ARHGEF7: variants seen among roughly 807,000 people sequenced by gnomAD.
ARHGEF7 encodes the protein PAK-interacting exchange factor beta.
ARHGEF7 carries 33 observed loss-of-function variants against 109.8 expected under a neutral mutation model. The observed-to-expected ratio is 0.30, with a 90% CI of 0.23 to 0.40. The LOEUF is 0.40. Among genes scored for constraint, ARHGEF7 ranks in the 10% least tolerant of loss-of-function variants. ARHGEF7 has a pLI of 1.00. For synonymous variants in ARHGEF7, 458 were observed against 424.6 expected (o/e 1.08, Z -0.97); for missense variants, 938 against 1,098.5 (o/e 0.85, Z 2.07).
rs896854388 is a variant in ARHGEF7, at chr13:111,282,559, T to A, written c.1726-580T>A. Reference sequence around the variant, plus strand: ...GTAAAGATCCAGATGGTAAACGTTCTCTGCTTTACAGGTTCAGGCCTCTTG... The same window carrying A: ...GTAAAGATCCAGATGGTAAACGTTCACTGCTTTACAGGTTCAGGCCTCTTG... On this transcript the variant is annotated intron_variant, in intron 15 of 21. Coordinates refer to ENST00000646102, the MANE Select transcript of ARHGEF7 (RefSeq NM_001354046.2). Among the ~76,000 whole-genome samples, 34 of 152,250 alleles carry A rather than the reference T, an allele frequency of 2.2e-4. 2 individuals are homozygous for A. Among genetic ancestry groups the A allele is most frequent in the Admixed American group, 1.9e-3 (29 of 15,290 alleles).
At chr13:111,224,485 A>G (rs1017103230) in intron 5 of ARHGEF7, among the ~76,000 whole-genome samples, 4 of 152,016 alleles carry the variant, frequency 2.6e-5, no homozygotes, top group Non-Finnish European at 5.9e-5. Flanking sequence ...TCATTCTCCT[A>G]TTTCTGGACA....
intron 2 of ARHGEF7, among the ~76,000 whole-genome samples, chr13:111,155,007 T>G (rs572729282): frequency 6.6e-6 from 1 of 151,198 alleles, no homozygotes; most frequent in African/African-American, 2.4e-5. Flanking sequence ...GGAAACCAAT[T>G]AAAAAAAAAC....
chr13:111,119,057 G>T (rs1473516920), intron 1 of ARHGEF7, among the ~76,000 whole-genome samples: 1 of 152,170 alleles, frequency 6.6e-6, no homozygotes, highest in Non-Finnish European at 1.5e-5. Context: ...CCCTCAGAAG[G>T]CTCCAAGGAG....
intron 1 of ARHGEF7, among the ~76,000 whole-genome samples, chr13:111,140,783 C>T (rs2075309562): frequency 6.6e-6 from 1 of 152,006 alleles, no homozygotes. Flanking sequence ...GCCTTGAACT[C>T]CTGGGCTCCA....
chr13:111,225,604 CA>C (rs1814563446), intron 5 of ARHGEF7, among the ~76,000 whole-genome samples: 1 of 151,574 alleles, frequency 6.6e-6, no homozygotes, highest in Admixed American at 6.6e-5. Context: ...CCCAGTGCTT[CA>C]TTTGGGTAAT....
intron 2 of ARHGEF7, among the ~76,000 whole-genome samples, chr13:111,196,408 A>G (rs2080506828): frequency 6.6e-6 from 1 of 152,220 alleles, no homozygotes; most frequent in Non-Finnish European, 1.5e-5. Context: ...CATTCTTTTC[A>G]TTAAAGACTA....
intron 8 of ARHGEF7, among the ~76,000 whole-genome samples, chr13:111,248,417 A>G (rs2089253873): frequency 6.6e-6 from 1 of 151,904 alleles, no homozygotes; most frequent in Non-Finnish European, 1.5e-5. Flanking sequence ...TATGTCTTTT[A>G]CCAAATGTGG....
At chr13:111,253,660 CAG>C (rs980431881) in intron 8 of ARHGEF7, among the ~76,000 whole-genome samples, 1 of 152,190 alleles carries the variant, frequency 6.6e-6, no homozygotes, top group African/African-American at 2.4e-5. Flanking sequence ...CACTGTACCC[CAG>C]AGTCTCCACC....
intron 19 of ARHGEF7, chr13:111,293,699 T>C: frequency 1.1e-5 from 11 of 985,434 alleles, no homozygotes; most frequent in Non-Finnish European, 1.3e-5. Context: ...CAAGATGCCA[T>C]AGTAAATTGA....
intron 8 of ARHGEF7, among the ~76,000 whole-genome samples, chr13:111,249,781 T>G (rs2089478052): frequency 6.6e-6 from 1 of 152,160 alleles, no homozygotes; most frequent in Admixed American, 6.5e-5. Context: ...GAAGGCCATC[T>G]GGGGAGCTAT....
intron 2 of ARHGEF7, among the ~76,000 whole-genome samples, chr13:111,190,416 G>T (rs2079745587): frequency 6.6e-6 from 1 of 152,166 alleles, no homozygotes; most frequent in Admixed American, 6.5e-5. Flanking sequence ...CCCTAAGAAG[G>T]TGCAGAGTCC....
intron 2 of ARHGEF7, among the ~76,000 whole-genome samples, chr13:111,200,673 A>G (rs2081116442): frequency 6.6e-6 from 1 of 152,182 alleles, no homozygotes; most frequent in African/African-American, 2.4e-5. Flanking sequence ...CAAAACTGTA[A>G]TGTCTGTCAT....
intron 1 of ARHGEF7, among the ~76,000 whole-genome samples, chr13:111,146,290 A>G (rs2075591389): frequency 6.6e-6 from 1 of 152,220 alleles, no homozygotes; most frequent in African/African-American, 2.4e-5. Context: ...GATACCATCA[A>G]TGTCTACAGG....
At chr13:111,256,187 C>T (rs572235158) in intron 8 of ARHGEF7, among the ~76,000 whole-genome samples, 12 of 152,166 alleles carry the variant, frequency 7.9e-5, no homozygotes, top group Non-Finnish European at 1.6e-4. Flanking sequence ...GCGGTAGCTA[C>T]GGCATAAACC....
chr13:111,139,631 C>T (rs1053966662), intron 1 of ARHGEF7, among the ~76,000 whole-genome samples: 3 of 152,038 alleles, frequency 2.0e-5, no homozygotes, highest in Non-Finnish European at 2.9e-5. Context: ...GGAGCACTGG[C>T]GGCAGACAGG....
chr13:111,263,884 C>T (rs7317902), intron 8 of ARHGEF7, among the ~76,000 whole-genome samples: 136,615 of 152,256 alleles, frequency 0.9, 61,340 homozygotes, highest in South Asian at 0.93. Context: ...CAGTTTACTT[C>T]TGTACAAAAT....
At position 111,131,951 on chromosome 13, in the gene ARHGEF7, G is replaced by A. The variant is rs1254898601; in HGVS notation, c.165+16260G>A. ...GAGTTGTGGAGTATGAGAGAGGGGT[G>A]GACTCAGTGAGGGGGTGGACCGTGA... On this transcript the variant is annotated intron_variant, in intron 1 of 21. Coordinates refer to ENST00000646102, the MANE Select transcript of ARHGEF7 (RefSeq NM_001354046.2). This position sits in a 1 kb window ranked among gnomAD's most constrained non-coding sequence, Gnocchi z 4.4. Among the ~76,000 whole-genome samples the A allele has an allele frequency of 1.3e-5, 2 of 152,096 alleles. No individual in the cohort carries two copies. The highest frequency in any genetic ancestry group is 6.6e-5 in the Admixed American group (1 of 15,264).
intron 2 of ARHGEF7, among the ~76,000 whole-genome samples, chr13:111,176,905 T>C (rs1270194305): frequency 6.6e-6 from 1 of 152,190 alleles, no homozygotes; most frequent in Non-Finnish European, 1.5e-5. Context: ...TACAGGCGTG[T>C]ACCACCACGC....
At chr13:111,152,566 G>T (rs903398437) in intron 1 of ARHGEF7, among the ~76,000 whole-genome samples, 12 of 152,152 alleles carry the variant, frequency 7.9e-5, no homozygotes, top group Non-Finnish European at 1.6e-4. Context: ...ACTTGGTTTT[G>T]ATGTATAATT....
Sources: gnomAD v4.1 joint callset for allele counts (sites outside exome capture counted in the v4.1 genomes callset) on GRCh38, gnomAD v4.1.1 for gene constraint, Gnocchi (gnomAD v3.1) non-coding constraint, MANE v1.5 for transcripts, NCBI Gene and HGNC (gene_info 2026-07-23, HGNC 2026-07-21) for gene names.